Variants in NRXN1 observed in about 807,000 individuals in gnomAD.
NRXN1 encodes the protein neurexin-1.
In NRXN1, 39 loss-of-function variants were observed where a neutral mutation model predicts 150.9. The ratio of observed to expected loss-of-function variants is 0.26; its 90% confidence interval spans 0.20 to 0.34. The LOEUF (loss-of-function observed/expected upper bound fraction) is 0.34, where lower values mean the gene tolerates loss of function less well. NRXN1 is among the 10% of genes least tolerant of loss of function. The pLI, the probability that NRXN1 is intolerant of heterozygous loss-of-function variation, is 1.00. For synonymous variants in NRXN1, 924 were observed against 757.0 expected (o/e 1.22, Z -3.62); for missense variants, 1,815 against 1,949.9 (o/e 0.93, Z 1.30).
intron 4 of NRXN1, among the ~76,000 whole-genome samples, chr2:50,922,345 T>A (rs759068748): frequency 4.0e-5 from 6 of 151,846 alleles, no homozygotes; most frequent in Non-Finnish European, 7.4e-5. Context: ...GGTTTTTCTT[T>A]ACCATAACCA....
At chr2:50,446,913 T>C (rs1269877870) in intron 17 of NRXN1, among the ~76,000 whole-genome samples, 5 of 152,120 alleles carry the variant, frequency 3.3e-5, no homozygotes, top group African/African-American at 4.8e-5. Context: ...CCTTGTCTGA[T>C]TTGAGGGAAA....
At chr2:50,859,838 T>TTGTGTGTGTA (rs1366132209) in intron 5 of NRXN1, among the ~76,000 whole-genome samples, 2 of 147,572 alleles carry the variant, frequency 1.4e-5, no homozygotes, top group African/African-American at 5.0e-5. Context: ...ACAATTATGT[T>TTGTGTGTGTA]TGTGTGTGTG....
chr2:50,538,990 C>T (rs556705482), intron 9 of NRXN1, among the ~76,000 whole-genome samples: 1 of 152,030 alleles, frequency 6.6e-6, no homozygotes, highest in Non-Finnish European at 1.5e-5. Context: ...AGTCAGATTC[C>T]CCTGGGTTAG....
intron 17 of NRXN1, among the ~76,000 whole-genome samples, chr2:50,373,468 C>G (rs1169963254): frequency 6.7e-6 from 1 of 148,294 alleles, no homozygotes; most frequent in Admixed American, 6.7e-5. Flanking sequence ...CTCTCACTTG[C>G]AGGAAGATAT....
At position 50,486,692 on chromosome 2, in the gene NRXN1, G is replaced by T. The variant is rs532602934; in HGVS notation, c.3070+9213C>A. ...GCATGAGGAGGGGAGAGGGAGGAGA[G>T]AACTTCCCACAGACAGGTTAGGAAT... On this transcript the variant is annotated intron_variant, in intron 15 of 22. Coordinates refer to ENST00000401669, the MANE Select transcript of NRXN1 (RefSeq NM_001330078.2). Among the ~76,000 whole-genome samples, 7 of 152,092 alleles carry T rather than the reference G, an allele frequency of 4.6e-5. No individual in the cohort carries two copies. The East Asian group carries it at 1.4e-3, about 29-fold the overall frequency.
intron 18 of NRXN1, chr2:50,185,664 G>A (rs1195621724): frequency 6.6e-6 from 1 of 152,024 alleles, no homozygotes; most frequent in African/African-American, 2.4e-5. Context: ...AATGATGGTG[G>A]AGTCACAATA....
chr2:50,754,021 T>C (rs749678171), intron 5 of NRXN1, among the ~76,000 whole-genome samples: 8 of 145,824 alleles, frequency 5.5e-5, no homozygotes, highest in Admixed American at 2.2e-4. Context: ...AACAATAAAA[T>C]AATATTGCAG....
chr2:50,056,569 T>A (rs181568908), intron 19 of NRXN1, among the ~76,000 whole-genome samples: 16 of 152,278 alleles, frequency 1.1e-4, no homozygotes, highest in South Asian at 4.1e-4. Flanking sequence ...GTTAAACTAA[T>A]AATTTTTTTA....
chr2:50,378,116 G>A (rs2080662573), intron 17 of NRXN1, among the ~76,000 whole-genome samples: 1 of 152,118 alleles, frequency 6.6e-6, no homozygotes, highest in African/African-American at 2.4e-5. Context: ...GTCAGTATAT[G>A]GTAAGCTAGA....
intron 18 of NRXN1, among the ~76,000 whole-genome samples, chr2:50,225,148 C>A (rs775590600): frequency 5.3e-5 from 8 of 151,978 alleles, no homozygotes; most frequent in Non-Finnish European, 1.0e-4. Flanking sequence ...ACATCACGTG[C>A]TTTCACGATT....
intron 5 of NRXN1, among the ~76,000 whole-genome samples, chr2:50,705,404 T>C (rs1017813192): frequency 3.9e-5 from 6 of 152,164 alleles, no homozygotes; most frequent in African/African-American, 4.8e-5. Context: ...TTTGAGGGCT[T>C]TGTGGTAGAA....
chr2:50,267,159 T>G (rs1048073603), intron 17 of NRXN1, among the ~76,000 whole-genome samples: 1 of 152,156 alleles, frequency 6.6e-6, no homozygotes, highest in African/African-American at 2.4e-5. Flanking sequence ...GGCAGATGAA[T>G]AAAGCATATA....
intron 17 of NRXN1, among the ~76,000 whole-genome samples, chr2:50,274,941 G>C (rs1026966937): frequency 6.6e-6 from 1 of 152,144 alleles, no homozygotes; most frequent in Non-Finnish European, 1.5e-5. Context: ...CATTAGAAGT[G>C]TGGCATGTGT....
At position 50,730,672 on chromosome 2, in the gene NRXN1, C is replaced by CTTTTT. The variant is rs56042523; in HGVS notation, c.833-107062_833-107058dup. ...AATCTTCCTTTATCTTTCTTGTTTT[C>CTTTTT]TTTTTTTTTTTTTTTTTTGAGACGG... On this transcript the variant is annotated intron_variant, in intron 5 of 22. Coordinates refer to ENST00000401669, the MANE Select transcript of NRXN1 (RefSeq NM_001330078.2). 5.4e-4 allele frequency among the ~76,000 whole-genome samples: 66 copies of CTTTTT among 122,008 alleles called. 1 individual carries two copies. The highest frequency in any genetic ancestry group is 9.0e-4 in the Non-Finnish European group (55 of 61,402). 80.0% of individuals were successfully genotyped at this position (122,008 alleles called of 152,430 possible). A position where few individuals can be genotyped will look rare whatever the true frequency, so the allele number is the denominator to read the frequency against.
chr2:50,483,063 A>G (rs1266999234), intron 15 of NRXN1, among the ~76,000 whole-genome samples: 2 of 150,870 alleles, frequency 1.3e-5, no homozygotes, highest in South Asian at 2.1e-4. Context: ...AAAAAAAAAA[A>G]AAAAAAAAAA....
At chr2:50,098,870 T>TTTTTTTTTTG (rs1700635055) in intron 18 of NRXN1, among the ~76,000 whole-genome samples, 2 of 63,042 alleles carry the variant, frequency 3.2e-5, no homozygotes, top group African/African-American at 1.3e-4. Flanking sequence ...TTTTTTTTTT[T>TTTTTTTTTTG]TTTTTTTTTT....
intron 17 of NRXN1, among the ~76,000 whole-genome samples, chr2:50,387,649 A>G (rs1027566031): frequency 1.3e-5 from 2 of 152,202 alleles, no homozygotes; most frequent in Non-Finnish European, 2.9e-5. Context: ...GGCTAAAATT[A>G]CAGGAACAGT....
chr2:51,026,256 C>G (rs577856372), intron 2 of NRXN1: 2 of 703,584 alleles, frequency 2.8e-6, no homozygotes, highest in African/African-American at 3.6e-5. Flanking sequence ...ATTTCAGCCA[C>G]AAATGCCATT....
At chr2:50,807,070 G>T (rs183948999) in intron 5 of NRXN1, among the ~76,000 whole-genome samples, 42 of 152,206 alleles carry the variant, frequency 2.8e-4, no homozygotes, top group Admixed American at 5.2e-4. Context: ...AAACTACAGT[G>T]CCTCTAGAGT....
Sources: allele counts gnomAD v4.1 joint callset (sites outside exome capture counted in the v4.1 genomes callset), GRCh38; gene constraint gnomAD v4.1.1; transcripts MANE v1.5; gene names NCBI Gene and HGNC (gene_info 2026-07-23, HGNC 2026-07-21).